The following PCDHA6 variants were observed in gnomAD, a reference collection of about 807,000 sequenced individuals.
The protein encoded by PCDHA6 is protocadherin alpha-6.
A neutral mutation model predicts 60.3 loss-of-function variants in PCDHA6; 55 were observed. The ratio of observed to expected loss-of-function variants is 0.91; its 90% confidence interval spans 0.73 to 1.14. The LOEUF (loss-of-function observed/expected upper bound fraction) is 1.14. Ranked by LOEUF, PCDHA6 falls within the 50% of genes most tolerant of loss-of-function variation. PCDHA6 has a pLI of 0.00. For synonymous variants in PCDHA6, 652 were observed against 557.9 expected, an observed-to-expected ratio of 1.17 and a Z score of -2.38; for missense variants, 1,327 against 1,256.5, an observed-to-expected ratio of 1.06 and a Z score of -0.85.
chr5:140,975,056 A>C (rs1006106436), intron 1 of PCDHA6, among the ~76,000 whole-genome samples: 1 of 152,154 alleles, frequency 6.6e-6, no homozygotes, highest in Non-Finnish European at 1.5e-5. Flanking sequence ...AGAATCTACT[A>C]TCGAGCTCAT....
intron 1 of PCDHA6, among the ~76,000 whole-genome samples, chr5:140,946,631 T>TATATATATACAC (rs57893927): frequency 0.012 from 1,602 of 131,782 alleles, 27 homozygotes; most frequent in South Asian, 0.028. Flanking sequence ...TATATATATA[T>TATATATATACAC]ACAATGGAAT....
chr5:140,829,603 G>T lies in PCDHA6; in HGVS notation c.1512G>T (p.Leu504Phe), dbSNP rs2150171045. Residue 504 changes from leucine (L) to phenylalanine (F), a missense_variant, in exon 1 of 4, where the codon TTG becomes TTT. Leu to Phe is a conservative substitution (Grantham distance 22, BLOSUM62 0). Transcript: ENST00000529310. Reference protein sequence around the residue: ...LVERRVGERALSSYISVHAES... With the variant: ...LVERRVGERAFSSYISVHAES... ...AGCGGCGGGTGGGCGAGCGCGCGTT[G>T]TCGAGCTACATTTCGGTGCACGCGG... The T allele has an allele frequency of 1.9e-6, 3 of 1,612,072 alleles. No individual in the cohort carries two copies. In the South Asian group the frequency reaches 3.3e-5, roughly 18 times the overall value.
intron 1 of PCDHA6, among the ~76,000 whole-genome samples, chr5:140,947,906 A>G (rs2153681662): frequency 6.6e-6 from 1 of 151,710 alleles, no homozygotes; most frequent in South Asian, 2.1e-4. Flanking sequence ...GTGAGAGCAG[A>G]CATTCTTGCC....
rs557640687 is a variant in PCDHA6 at position 140,964,686 on chromosome 5, C to T, written c.2395-14263C>T. 7.2e-5 allele frequency among the ~76,000 whole-genome samples: 11 copies of T among 151,874 alleles called. No individual in the cohort carries two copies. In the East Asian group the frequency reaches 2.1e-3, roughly 29 times the overall value. On this transcript the variant is annotated intron_variant, in intron 1 of 3. Coordinates refer to ENST00000529310, the MANE Select transcript of PCDHA6 (RefSeq NM_018909.4). ...ACAGGCCAGGTCCACAATTTGTGCA[C>T]TTGAGAGATTAAGGCCTCCGAGATC...
At chr5:140,994,733 C>G (rs2097647887) in intron 3 of PCDHA6, among the ~76,000 whole-genome samples, 1 of 152,034 alleles carries the variant, frequency 6.6e-6, no homozygotes, top group Non-Finnish European at 1.5e-5. Context: ...CTGGGTATTG[C>G]AGGATGGCAA....
Position 140,841,926 on chromosome 5 carries a change from G to T in PCDHA6, c.2394+11441G>T, listed in dbSNP as rs1490008187. 5.6e-6 allele frequency: 9 copies of T among 1,613,806 alleles called. No individual in the cohort carries two copies. The Admixed American group carries it at 1.5e-4, about 27-fold the overall frequency. On this transcript the variant is annotated intron_variant, in intron 1 of 3. Transcript: ENST00000529310. ...CTCGTATTAAGAAAATCCTTGGACA[G>T]AGAGGACGCTCCTGCGCACCACTTA...
At position 140,850,022 on chromosome 5, in the gene PCDHA6, A is replaced by G. The variant is rs201141536; in HGVS notation, c.2394+19537A>G. The stretch of plus-strand genomic sequence containing the variant: ...AGCGCTCGCTGTCGAGCTACGTGTC[A>G]GTGCACGCGGAGAGCGGCAAGGTGT... On this transcript the variant is annotated intron_variant, in intron 1 of 3. Transcript: ENST00000529310. 38 of 1,596,678 alleles carry G rather than the reference A, an allele frequency of 2.4e-5. 5 individuals are homozygous for G. The highest frequency in any genetic ancestry group is 7.7e-5 in the South Asian group (7 of 90,486).
chr5:140,903,525 C>T (rs1322141732), intron 1 of PCDHA6, among the ~76,000 whole-genome samples: 1 of 152,164 alleles, frequency 6.6e-6, no homozygotes, highest in African/African-American at 2.4e-5. Context: ...GTGTTGTTCA[C>T]TTTAAACTAG....
rs371246236 is a variant in PCDHA6 at position 140,876,855 on chromosome 5, A to G, written c.2394+46370A>G. ...CTGCGTTCGCGCAGCCCGAGTACACAGTGTTCGTGAAGGAGAACAACCCGC... is the reference window on the plus strand; with the variant it reads ...CTGCGTTCGCGCAGCCCGAGTACACGGTGTTCGTGAAGGAGAACAACCCGC... On this transcript the variant is annotated intron_variant, in intron 1 of 3. Coordinates refer to ENST00000529310, the MANE Select transcript of PCDHA6 (RefSeq NM_018909.4). The G allele has an allele frequency of 2.0e-4, 322 of 1,614,052 alleles. 4 individuals are homozygous for G. The East Asian group carries it at 3.4e-3, about 17-fold the overall frequency.
intron 1 of PCDHA6, chr5:140,858,724 G>A: frequency 2.0e-6 from 1 of 491,474 alleles, no homozygotes; most frequent in South Asian, 3.0e-5. Flanking sequence ...TTGCAGTTCT[G>A]ACGATTTACT....
chr5:140,886,492 C>A (rs2060999452), intron 1 of PCDHA6, among the ~76,000 whole-genome samples: 1 of 152,036 alleles, frequency 6.6e-6, no homozygotes, highest in Non-Finnish European at 1.5e-5. Flanking sequence ...TAAAATATAT[C>A]TTTTTCCTTT....
At chr5:140,844,657 C>G (rs1252310311) in intron 1 of PCDHA6, among the ~76,000 whole-genome samples, 1 of 149,150 alleles carries the variant, frequency 6.7e-6, no homozygotes, top group South Asian at 2.1e-4. Context: ...TCTTGCAAAC[C>G]AAACATATAA....
chr5:140,940,029 C>T (rs1411990785), intron 1 of PCDHA6, among the ~76,000 whole-genome samples: 4 of 152,136 alleles, frequency 2.6e-5, no homozygotes, highest in East Asian at 1.9e-4. Flanking sequence ...TGTTTTAAGG[C>T]TATTTTATTT....
intron 1 of PCDHA6, chr5:140,834,481 A>C (rs2150219318): frequency 6.2e-7 from 1 of 1,614,090 alleles, no homozygotes; most frequent in East Asian, 2.2e-5. Context: ...CAGCTCCACT[A>C]CTCGGTCCCC....
At chr5:140,969,760 C>T (rs1166018588) in intron 1 of PCDHA6, among the ~76,000 whole-genome samples, 1 of 152,194 alleles carries the variant, frequency 6.6e-6, no homozygotes, top group Non-Finnish European at 1.5e-5. Flanking sequence ...TTAAAAAGCT[C>T]TGAGGCCTCT....
chr5:140,913,670 A>G (rs2076427033), intron 1 of PCDHA6, among the ~76,000 whole-genome samples: 1 of 152,090 alleles, frequency 6.6e-6, no homozygotes, highest in Non-Finnish European at 1.5e-5. Flanking sequence ...TAGTTAGGTT[A>G]TTTAAAATGA....
At chr5:141,008,684 G>C (rs1426948038) in intron 3 of PCDHA6, among the ~76,000 whole-genome samples, 1 of 152,118 alleles carries the variant, frequency 6.6e-6, no homozygotes, top group Admixed American at 6.5e-5. Context: ...TTTAGTTATT[G>C]CATGTATTAA....
intron 1 of PCDHA6, chr5:140,857,362 C>A: frequency 1.3e-6 from 2 of 1,598,452 alleles, no homozygotes. Flanking sequence ...GGGCCACGGC[C>A]AGCGTGTCTG....
At chr5:140,877,097 T>G in intron 1 of PCDHA6, 1 of 1,613,308 alleles carries the variant, frequency 6.2e-7, no homozygotes. Context: ...GACGCCGGCG[T>G]GCCGCCTCTG....
Sources: allele counts gnomAD v4.1 joint callset (sites outside exome capture counted in the v4.1 genomes callset), GRCh38; gene constraint gnomAD v4.1.1; transcripts MANE v1.5; gene names NCBI Gene and HGNC (gene_info 2026-07-23, HGNC 2026-07-21).